The following SYNPO2L variants were observed in gnomAD, a reference collection of about 807,000 sequenced individuals.
The protein encoded by SYNPO2L is synaptopodin 2-like protein.
Under a neutral mutation model 47.5 loss-of-function variants are expected in SYNPO2L, and 34 were observed. The ratio of observed to expected loss-of-function variants is 0.72; its 90% CI spans 0.54 to 0.95. SYNPO2L has a LOEUF of 0.95. Ranked by LOEUF, SYNPO2L falls within the 40% of genes least tolerant of loss-of-function variation. SYNPO2L has a pLI of 0.00. For missense variants in SYNPO2L, 1,246 were observed against 1,282.0 expected, an observed-to-expected ratio of 0.97 and a Z score of 0.43; for synonymous variants, 536 against 524.9, an observed-to-expected ratio of 1.02 and a Z score of -0.29.
chr10:73,648,022 C>T lies in SYNPO2L; in HGVS notation c.1630G>A (p.Val544Met). ...SPSTPRSSGPVTATSSLYIPA... is the reference protein window; with the variant it reads ...SPSTPRSSGPMTATSSLYIPA... ...ATGTACAGGGAGCTGGTGGCTGTCA[C>T]AGGGCCCGAGGAGCGTGGGGTGCTG... The change falls in exon 4 of 4, where the codon GTG becomes ATG. Residue 544 changes from valine to methionine, a missense_variant. Transcript: ENST00000394810. 1.3e-6 allele frequency: 2 copies of T among 1,587,020 alleles called. No homozygotes were observed. Among genetic ancestry groups the T allele is most frequent in the South Asian group, 1.2e-5 (1 of 86,804 alleles).
In SYNPO2L at chr10:73,653,279, T is replaced by C; in HGVS notation, c.632A>G (p.Gln211Arg). 1 of 1,550,436 alleles carries C rather than the reference T, an allele frequency of 6.4e-7. No homozygotes were observed. Among genetic ancestry groups the C allele is most frequent in the Non-Finnish European group, 8.7e-7 (1 of 1,146,366 alleles). The part of the protein sequence containing the change: ...SPSWEDGAAL[Q>R]PPPAEALLLP... ...CAGCAGAGCCTCAGCTGGGGGTGGC[T>C]GAAGGGCTGCCCCATCCTCCCAAGA... is the stretch of plus-strand genomic sequence containing the variant. Residue 211 changes from glutamine to arginine, a missense_variant, in exon 3 of 4, where the codon CAG becomes CGG. By Grantham distance (43) the Gln-to-Arg change is conservative. Transcript: ENST00000394810.
intron 3 of SYNPO2L, among the ~76,000 whole-genome samples, chr10:73,649,579 A>G (rs1475270027): frequency 6.6e-6 from 1 of 152,062 alleles, no homozygotes; most frequent in Admixed American, 6.6e-5. Context: ...ATTCACATAT[A>G]CCCCAGCTTA....
rs918324241 is a variant in SYNPO2L at position 73,645,014 on chromosome 10, T to G, written c.*1704A>C. On this transcript the variant is annotated 3_prime_UTR_variant, in exon 4 of 4. Coordinates refer to ENST00000394810, the MANE Select transcript of SYNPO2L (RefSeq NM_001114133.3). ...GGTGGTGGTCTTGGTGAGAAGGGAG[T>G]CCATACTAAGATTGGAGATCAGGAC... 3 of 1,258,888 alleles carry G rather than the reference T, an allele frequency of 2.4e-6. No homozygotes were observed. Among genetic ancestry groups the G allele is most frequent in the Non-Finnish European group, 3.1e-6 (3 of 972,166 alleles). The allele number at this position is 1,258,888 out of a possible 1,614,324, so 78.0% of individuals were successfully genotyped here.
intron 3 of SYNPO2L, 25 bp from the exon 4 acceptor site, chr10:73,648,904 G>C: frequency 6.7e-7 from 1 of 1,485,108 alleles, no homozygotes; most frequent in Non-Finnish European, 8.9e-7. Flanking sequence ...AGGTAAAATG[G>C]TCAGGGGGGC....
chr10:73,653,307 G>C lies in SYNPO2L; in HGVS notation c.604C>G (p.Pro202Ala). Residue 202 changes from proline to alanine, a missense_variant, in exon 3 of 4, where the codon CCG becomes GCG. Coordinates refer to ENST00000394810, the MANE Select transcript of SYNPO2L (RefSeq NM_001114133.3). ...AGGGCTGCCCCATCCTCCCAAGACG[G>C]GGAGCTCACACGGCTGTCACCCTGG... is the stretch of plus-strand genomic sequence containing the variant. Reference protein sequence around the residue: ...PSQGDSRVSSPSWEDGAALQP... With the variant: ...PSQGDSRVSSASWEDGAALQP... The C allele has an allele frequency of 2.6e-6, 4 of 1,551,556 alleles. No homozygotes were observed. The highest frequency in any genetic ancestry group is 2.6e-6 in the Non-Finnish European group (3 of 1,146,964).
chr10:73,655,787 C>T, intron 1 of SYNPO2L, 31 bp downstream of exon 1: 1 of 1,407,746 alleles, frequency 7.1e-7, no homozygotes, highest in South Asian at 1.2e-5. Flanking sequence ...TTCCCTTTCC[C>T]TGAAGCCTCA....
At position 73,647,603 on chromosome 10, in the gene SYNPO2L, G is replaced by A. The variant is rs2081777900; in HGVS notation, c.2049C>T (p.Ala683=). 1 of 1,614,052 alleles carries A rather than the reference G, an allele frequency of 6.2e-7. No individual in the cohort carries two copies. Among genetic ancestry groups the A allele is most frequent in the South Asian group, 1.1e-5 (1 of 91,078 alleles). The change falls in exon 4 of 4, where the codon GCC becomes GCT. Residue 683 remains alanine (A), a synonymous_variant. Coordinates refer to ENST00000394810, the MANE Select transcript of SYNPO2L (RefSeq NM_001114133.3). ...EEDALSLGAE[A]CNFMQPVGAR... ...CCCCTACTGGCTGCATGAAGTTGCAGGCTTCAGCCCCGAGGCTCAGAGCAT... is the reference window on the plus strand; with the variant it reads ...CCCCTACTGGCTGCATGAAGTTGCAAGCTTCAGCCCCGAGGCTCAGAGCAT...
Position 73,647,313 on chromosome 10 carries a change from G to A in SYNPO2L, c.2339C>T (p.Pro780Leu), listed in dbSNP as rs2081768892. 6.2e-7 allele frequency: 1 copy of A among 1,613,978 alleles called. No homozygotes were observed. Among genetic ancestry groups the A allele is most frequent in the Admixed American group, 1.7e-5 (1 of 60,004 alleles). Residue 780 changes from proline to leucine, a missense_variant, in exon 4 of 4, where the codon CCT (proline) becomes CTT (leucine). Around this residue, in one of 3 missense-constraint regions of SYNPO2L, gnomAD observed 1,037 missense variants for 1,021.5 expected, o/e 1.02. Coordinates refer to ENST00000394810, the MANE Select transcript of SYNPO2L (RefSeq NM_001114133.3). ...DRYVVEGTPG[P>L]GLGPRPRSPS... ...ACTTCTAGGCCGAGGGCCAAGACCA[G>A]GACCAGGTGTACCTTCCACCACATA...
rs754840959 is a variant in SYNPO2L at position 73,646,759 on chromosome 10, A to G, written c.2893T>C (p.Leu965=). The part of the protein sequence containing the change: ...RPRFSATRTG[L]QAHVWRPGAG... Reference sequence around the variant, plus strand: ...CCAGGCCTCCACACATGAGCTTGCAATCCTGTTCTGGTGGCTGAAAATCGG... The same window carrying G: ...CCAGGCCTCCACACATGAGCTTGCAGTCCTGTTCTGGTGGCTGAAAATCGG... Residue 965 remains leucine, a synonymous_variant, in exon 4 of 4, where the codon TTG becomes CTG. Transcript: ENST00000394810. 13 of 1,515,036 alleles carry G rather than the reference A, an allele frequency of 8.6e-6. No individual in the cohort carries two copies. Among genetic ancestry groups the G allele is most frequent in the Admixed American group, 2.3e-5 (1 of 44,350 alleles). 93.8% of individuals were successfully genotyped at this position (1,515,036 alleles called of 1,614,324 possible).
At chr10:73,654,903 AG>A (rs1386753409) in intron 1 of SYNPO2L, among the ~76,000 whole-genome samples, 1 of 152,152 alleles carries the variant, frequency 6.6e-6, no homozygotes, top group African/African-American at 2.4e-5. Flanking sequence ...TTTTTCTCCA[AG>A]GGCAATATCT....
At position 73,647,292 on chromosome 10, in the gene SYNPO2L, C is replaced by G. The variant is rs368565523; in HGVS notation, c.2360G>C (p.Arg787Thr). 6 of 1,613,966 alleles carry G rather than the reference C, an allele frequency of 3.7e-6. No homozygotes were observed. In the African/African-American group the frequency reaches 4.0e-5, roughly 11 times the overall value. The stretch of plus-strand genomic sequence containing the variant: ...CAGAGACGGGGTAGGAGAAGGACTT[C>G]TAGGCCGAGGGCCAAGACCAGGACC... ...TPGPGLGPRP[R>T]SPSPTPSLPP... Residue 787 changes from arginine to threonine, a missense_variant, in exon 4 of 4, where the codon AGA (arginine) becomes ACA (threonine). Coordinates refer to ENST00000394810, the MANE Select transcript of SYNPO2L (RefSeq NM_001114133.3).
At position 73,646,548 on chromosome 10, in the gene SYNPO2L, G is replaced by C; in HGVS notation, c.*170C>G. 1 of 1,271,414 alleles carries C rather than the reference G, an allele frequency of 7.9e-7. No individual in the cohort carries two copies. Among genetic ancestry groups the C allele is most frequent in the Non-Finnish European group, 9.9e-7 (1 of 1,008,468 alleles). The allele number at this position is 1,271,414 out of a possible 1,614,324, so 78.8% of individuals were successfully genotyped here. ...ACATACTTGGTTGGAAAGCGGCAGGGAGGTAGAGAGTGAGGAGGAAGGTGG... is the reference window on the plus strand; with the variant it reads ...ACATACTTGGTTGGAAAGCGGCAGGCAGGTAGAGAGTGAGGAGGAAGGTGG... On this transcript the variant is annotated 3_prime_UTR_variant, in exon 4 of 4. Transcript: ENST00000394810.
intron 3 of SYNPO2L, among the ~76,000 whole-genome samples, chr10:73,652,045 T>G (rs2081845034): frequency 9.3e-6 from 1 of 107,636 alleles, no homozygotes; most frequent in Non-Finnish European, 1.7e-5. Flanking sequence ...CCAGCCCGGG[T>G]GACAGTGCAA....
chr10:73,650,931 T>C lies in SYNPO2L; in HGVS notation c.773-2052A>G, dbSNP rs748860224. 1.7e-5 allele frequency: 27 copies of C among 1,613,540 alleles called. No homozygotes were observed. In the Admixed American group the frequency reaches 4.3e-4, roughly 26 times the overall value. ...ACCTGCATAGAACGAGTCTTGGAGC[T>C]CAGGAACTGGGTCTGGGGCTTTGTC... On this transcript the variant is annotated intron_variant, in intron 3 of 3. Coordinates refer to ENST00000394810, the MANE Select transcript of SYNPO2L (RefSeq NM_001114133.3).
chr10:73,646,715 T>C lies in SYNPO2L; in HGVS notation c.*3A>G. The stretch of plus-strand genomic sequence containing the variant: ...TCTCCTTGGTCCTGGGACCTGTGCC[T>C]GTTCACTGGTGCCCTGCCCCAGGCC... On this transcript the variant is annotated 3_prime_UTR_variant, in exon 4 of 4. Coordinates refer to ENST00000394810, the MANE Select transcript of SYNPO2L (RefSeq NM_001114133.3). 1 of 1,478,872 alleles carries C rather than the reference T, an allele frequency of 6.8e-7. No homozygotes were observed. The highest frequency in any genetic ancestry group is 9.0e-7 in the Non-Finnish European group (1 of 1,113,332). 91.6% of individuals were successfully genotyped at this position (1,478,872 alleles called of 1,614,324 possible). A position where few individuals can be genotyped will look rare whatever the true frequency, so the allele number is the denominator to read the frequency against.
Position 73,647,848 on chromosome 10 carries a change from C to T in SYNPO2L, c.1804G>A (p.Gly602Arg). The change falls in exon 4 of 4, where the codon GGG becomes AGG. Residue 602 changes from glycine (G) to arginine (R), a missense_variant. Transcript: ENST00000394810. ...ARPEAPAPGP[G>R]APEPPSAREQ... Reference sequence around the variant, plus strand: ...CGAGCGCTGGGGGGCTCAGGAGCCCCTGGGCCTGGGGCAGGCGCCTCTGGG... The same window carrying T: ...CGAGCGCTGGGGGGCTCAGGAGCCCTTGGGCCTGGGGCAGGCGCCTCTGGG... 1 of 1,555,382 alleles carries T rather than the reference C, an allele frequency of 6.4e-7. No homozygotes were observed. The highest frequency in any genetic ancestry group is 2.0e-5 in the Admixed American group (1 of 50,012).
chr10:73,649,961 G>A, intron 3 of SYNPO2L: 2 of 985,372 alleles, frequency 2.0e-6, no homozygotes, highest in Non-Finnish European at 2.4e-6. Flanking sequence ...CTTCTTCAGG[G>A]GTCAGAACTG....
Position 73,646,067 on chromosome 10 carries a change from G to A in SYNPO2L, c.*651C>T, listed in dbSNP as rs567610381. 3.7e-4 allele frequency: 365 copies of A among 980,672 alleles called. 1 individual carries two copies. The African/African-American group carries it at 5.8e-3, about 16-fold the overall frequency. The allele number at this position is 980,672 out of a possible 1,614,324, so 60.7% of individuals were successfully genotyped here. ...TCTCGATCTCCTGACCTCGTGATCC[G>A]CCCGCCTCGGCCTCCCAAAGTGCTG... On this transcript the variant is annotated 3_prime_UTR_variant, in exon 4 of 4. Coordinates refer to ENST00000394810, the MANE Select transcript of SYNPO2L (RefSeq NM_001114133.3).
At position 73,646,128 on chromosome 10, in the gene SYNPO2L, A is replaced by C; in HGVS notation, c.*590T>G. 1.0e-6 allele frequency: 1 copy of C among 985,346 alleles called. No homozygotes were observed. The highest frequency in any genetic ancestry group is 1.2e-6 in the Non-Finnish European group (1 of 830,496). 61.0% of individuals were successfully genotyped at this position (985,346 alleles called of 1,614,324 possible). ...CGTGAGCCACCGTGCCCGGCCTCAG[A>C]TTGGGTCTTTATTTTGACCTCCCCT... On this transcript the variant is annotated 3_prime_UTR_variant, in exon 4 of 4. Coordinates refer to ENST00000394810, the MANE Select transcript of SYNPO2L (RefSeq NM_001114133.3).
Sources: gnomAD v4.1 joint callset for allele counts (sites outside exome capture counted in the v4.1 genomes callset) on GRCh38, gnomAD v4.1.1 for gene constraint, gnomAD v4.1.1 regional missense constraint, MANE v1.5 for transcripts, NCBI Gene and HGNC (gene_info 2026-07-23, HGNC 2026-07-21) for gene names.